ZNF148: variants seen among roughly 807,000 people sequenced by gnomAD.
The protein encoded by ZNF148 is zinc finger protein 148.
ZNF148 carries 7 observed loss-of-function variants against 67.7 expected under a neutral mutation model. The ratio of observed to expected loss-of-function variants is 0.10; its 90% CI spans 0.06 to 0.19. The LOEUF (loss-of-function observed/expected upper bound fraction) is 0.19, where lower values mean the gene tolerates loss of function less well. Ranked by LOEUF, ZNF148 falls within the 10% of genes least tolerant of loss-of-function variation. The pLI is 1.00. For missense variants in ZNF148, 583 were observed against 947.1 expected, an observed-to-expected ratio of 0.62 and a Z score of 5.05; for synonymous variants, 333 against 330.7, an observed-to-expected ratio of 1.01 and a Z score of -0.08.
intron 7 of ZNF148, among the ~76,000 whole-genome samples, chr3:125,251,401 A>G (rs1025606912): frequency 1.3e-5 from 2 of 152,260 alleles, no homozygotes; most frequent in African/African-American, 4.8e-5. Flanking sequence ...AGAAAAGTAT[A>G]CAAACCGTCT....
At chr3:125,358,106 G>A (rs1287383419) in intron 1 of ZNF148, among the ~76,000 whole-genome samples, 1 of 152,166 alleles carries the variant, frequency 6.6e-6, no homozygotes, top group Non-Finnish European at 1.5e-5. Context: ...GAAGTCAGGA[G>A]TTCAAGACCA....
chr3:125,294,749 GA>G (rs992303158), intron 4 of ZNF148, among the ~76,000 whole-genome samples: 28 of 152,104 alleles, frequency 1.8e-4, no homozygotes, highest in African/African-American at 5.8e-4. Context: ...TAAAAAAATA[GA>G]AAACTAAGGC....
intron 4 of ZNF148, among the ~76,000 whole-genome samples, chr3:125,304,873 C>T (rs1048315547): frequency 6.6e-6 from 1 of 152,136 alleles, no homozygotes; most frequent in South Asian, 2.1e-4. Flanking sequence ...GGAGAAATGG[C>T]TGACTCCAGA....
intron 1 of ZNF148, among the ~76,000 whole-genome samples, chr3:125,371,305 G>C (rs1339875006): frequency 3.5e-5 from 5 of 143,172 alleles, no homozygotes; most frequent in African/African-American, 1.3e-4. Context: ...GCAGTGAGCT[G>C]GGAACATGCG....
chr3:125,243,569 G>A (rs1026171660), intron 7 of ZNF148, among the ~76,000 whole-genome samples: 3 of 152,098 alleles, frequency 2.0e-5, no homozygotes, highest in Admixed American at 6.6e-5. Flanking sequence ...CACCCAGGCT[G>A]GAGTGGAGTG....
At chr3:125,325,806 A>G (rs1476624373) in intron 2 of ZNF148, among the ~76,000 whole-genome samples, 1 of 152,160 alleles carries the variant, frequency 6.6e-6, no homozygotes, top group Admixed American at 6.6e-5. Flanking sequence ...AAATAAATCT[A>G]CAGATCTAAG....
At position 125,233,998 on chromosome 3, in the gene ZNF148, A is replaced by T; in HGVS notation, c.787-59T>A. On this transcript the variant is annotated intron_variant, in intron 8 of 8. Coordinates refer to ENST00000360647, the MANE Select transcript of ZNF148 (RefSeq NM_021964.3). This position sits in a 1 kb window ranked among gnomAD's most constrained non-coding sequence, Gnocchi z 5.1. ...GTGGTTTTGGTCAACCAAGAAAAGAAAAAGTGAAACAAAACAATTAATATA... is the reference window on the plus strand; with the variant it reads ...GTGGTTTTGGTCAACCAAGAAAAGATAAAGTGAAACAAAACAATTAATATA... The T allele has an allele frequency of 6.6e-7, 1 of 1,518,576 alleles. No individual in the cohort carries two copies. The highest frequency in any genetic ancestry group is 2.3e-5 in the East Asian group (1 of 43,866). The allele number at this position is 1,518,576 out of a possible 1,614,324, so 94.1% of individuals were successfully genotyped here.
rs747560146 is a variant in ZNF148, at chr3:125,232,824, G to A, written c.1902C>T (p.Asn634=). 5 of 1,613,822 alleles carry A rather than the reference G, an allele frequency of 3.1e-6. No individual in the cohort carries two copies. In the South Asian group the frequency reaches 3.3e-5, roughly 11 times the overall value. The change falls in exon 9 of 9, where the codon AAC becomes AAT. Residue 634 remains asparagine (N), a synonymous_variant. Coordinates refer to ENST00000360647, the MANE Select transcript of ZNF148 (RefSeq NM_021964.3). The surrounding 1 kb of genome is among the most constrained non-coding windows in gnomAD (Gnocchi z 4.2). The part of the protein sequence containing the change: ...NSPSLNFVTD[N]QTLPNQPAFS... ...ATGCTGGCTGATTTGGGAGGGTCTG[G>A]TTATCAGTCACAAAGTTAAGGCTCG...
intron 7 of ZNF148, among the ~76,000 whole-genome samples, chr3:125,240,413 G>C (rs1441642483): frequency 6.6e-6 from 1 of 152,124 alleles, no homozygotes; most frequent in East Asian, 1.9e-4. Context: ...CATTCTAATA[G>C]ATGAACCAAT....
At chr3:125,359,359 A>G (rs772334398) in intron 1 of ZNF148, among the ~76,000 whole-genome samples, 1 of 152,326 alleles carries the variant, frequency 6.6e-6, no homozygotes, top group East Asian at 1.9e-4. Flanking sequence ...GTGCCTTGTC[A>G]TATTTTTCTC....
At position 125,227,571 on chromosome 3, in the gene ZNF148, T is replaced by C. The variant is rs911262556; in HGVS notation, c.*4770A>G. 1 of 152,582 alleles carries C rather than the reference T, an allele frequency of 6.6e-6. No individual in the cohort carries two copies. Among genetic ancestry groups the C allele is most frequent in the African/African-American group, 2.4e-5 (1 of 41,440 alleles). 9.5% of individuals were successfully genotyped at this position (152,582 alleles called of 1,614,324 possible). A position where few individuals can be genotyped will look rare whatever the true frequency, so the allele number is the denominator to read the frequency against. ...AGTATGCCCTTGAAGTAAAATGAGGTTACCTGCTTTATTTGGATACCAAGT... is the reference window on the plus strand; with the variant it reads ...AGTATGCCCTTGAAGTAAAATGAGGCTACCTGCTTTATTTGGATACCAAGT... On this transcript the variant is annotated 3_prime_UTR_variant, in exon 9 of 9. Transcript: ENST00000360647.
At chr3:125,238,520 C>G (rs1200895549) in intron 7 of ZNF148, among the ~76,000 whole-genome samples, 1 of 151,988 alleles carries the variant, frequency 6.6e-6, no homozygotes, top group Non-Finnish European at 1.5e-5. Context: ...CCCAGCTACT[C>G]AGGAGGCTGA....
chr3:125,347,569 ATT>A (rs36070409), intron 1 of ZNF148, among the ~76,000 whole-genome samples: 136 of 145,102 alleles, frequency 9.4e-4, no homozygotes, highest in African/African-American at 9.6e-4. Flanking sequence ...TTTATGTATT[ATT>A]TTTTTTTTTT....
At chr3:125,322,314 ATT>A (rs879720472) in intron 3 of ZNF148, among the ~76,000 whole-genome samples, 1 of 143,084 alleles carries the variant, frequency 7.0e-6, no homozygotes, top group East Asian at 2.0e-4. Flanking sequence ...GCCTGAGGCC[ATT>A]TTTTTTTTTT....
Position 125,233,393 on chromosome 3 carries a change from C to T in ZNF148, c.1333G>A (p.Asp445Asn), listed in dbSNP as rs1478407627. Reference sequence around the variant, plus strand: ...CCCTCCTGCAAATTATCAACCTGATCAATGTCAGCATTGCCTTCTGAGTCC... The same window carrying T: ...CCCTCCTGCAAATTATCAACCTGATTAATGTCAGCATTGCCTTCTGAGTCC... The part of the protein sequence containing the change: ...LLDSEGNADI[D>N]QVDNLQEGPS... Residue 445 changes from aspartate (D) to asparagine (N), a missense_variant, in exon 9 of 9, where the codon GAT (aspartate) becomes AAT (asparagine). Physicochemically the swap from Asp to Asn is conservative, Grantham distance 23. Coordinates refer to ENST00000360647, the MANE Select transcript of ZNF148 (RefSeq NM_021964.3). The surrounding 1 kb of genome is among the most constrained non-coding windows in gnomAD (Gnocchi z 5.1). The T allele has an allele frequency of 6.2e-7, 1 of 1,613,944 alleles. No individual in the cohort carries two copies. The highest frequency in any genetic ancestry group is 8.5e-7 in the Non-Finnish European group (1 of 1,179,928).
chr3:125,324,413 A>G (rs969633178), intron 2 of ZNF148, among the ~76,000 whole-genome samples: 26 of 152,226 alleles, frequency 1.7e-4, no homozygotes, highest in African/African-American at 6.3e-4. Flanking sequence ...CAAGATTACC[A>G]GTGACAGAGA....
At chr3:125,246,827 T>C (rs1936620945) in intron 7 of ZNF148, among the ~76,000 whole-genome samples, 1 of 152,150 alleles carries the variant, frequency 6.6e-6, no homozygotes, top group Admixed American at 6.5e-5. Context: ...ATTACTAAAA[T>C]AAATCCATGG....
chr3:125,317,052 A>C (rs1940533045), intron 3 of ZNF148, among the ~76,000 whole-genome samples: 1 of 152,194 alleles, frequency 6.6e-6, no homozygotes, highest in African/African-American at 2.4e-5. Context: ...TCCAAATGAA[A>C]AACAAATGAC....
chr3:125,233,985 A>G lies in ZNF148; in HGVS notation c.787-46T>C. The G allele has an allele frequency of 2.0e-6, 3 of 1,529,400 alleles. No individual in the cohort carries two copies. The South Asian group carries it at 4.0e-5, about 20-fold the overall frequency. 94.7% of individuals were successfully genotyped at this position (1,529,400 alleles called of 1,614,324 possible). A position where few individuals can be genotyped will look rare whatever the true frequency, so the allele number is the denominator to read the frequency against. On this transcript the variant is annotated intron_variant, in intron 8 of 8. Transcript: ENST00000360647. This position sits in a 1 kb window ranked among gnomAD's most constrained non-coding sequence, Gnocchi z 5.1. Reference sequence around the variant, plus strand: ...TAGTGGGTTGTTTGTGGTTTTGGTCAACCAAGAAAAGAAAAAGTGAAACAA... The same window carrying G: ...TAGTGGGTTGTTTGTGGTTTTGGTCGACCAAGAAAAGAAAAAGTGAAACAA...
Sources: gnomAD v4.1 joint callset for allele counts (sites outside exome capture counted in the v4.1 genomes callset) on GRCh38, gnomAD v4.1.1 for gene constraint, Gnocchi (gnomAD v3.1) non-coding constraint, MANE v1.5 for transcripts, NCBI Gene and HGNC (gene_info 2026-07-23, HGNC 2026-07-21) for gene names.